The following LZTS1 variants were observed in gnomAD, a reference collection of about 807,000 sequenced individuals.
LZTS1 encodes leucine zipper tumor suppressor 1, also known as leucine zipper putative tumor suppressor 1.
A neutral mutation model predicts 45.8 loss-of-function variants in LZTS1; 31 were observed. The observed-to-expected ratio is 0.68, with a 90% CI of 0.51 to 0.91. The LOEUF is 0.91. LZTS1 is among the 40% of genes least tolerant of loss of function. The pLI is 0.00. For synonymous variants in LZTS1, 359 were observed against 357.3 expected (o/e 1.00, Z -0.05); for missense variants, 821 against 788.9 (o/e 1.04, Z -0.49).
chr8:20,259,203 A>G (rs961059386), intron 1 of LZTS1, among the ~76,000 whole-genome samples: 1 of 152,144 alleles, frequency 6.6e-6, no homozygotes, highest in Non-Finnish European at 1.5e-5. Flanking sequence ...TTGAAAATCA[A>G]TCTCTCTGAG....
chr8:20,266,964 C>T (rs558209687), intron 1 of LZTS1, among the ~76,000 whole-genome samples: 6 of 152,012 alleles, frequency 3.9e-5, no homozygotes, highest in African/African-American at 1.4e-4. Context: ...AAAAATTAGC[C>T]AGGCATGGTG....
chr8:20,267,706 C>T (rs1030621353), intron 1 of LZTS1, among the ~76,000 whole-genome samples: 1 of 152,024 alleles, frequency 6.6e-6, no homozygotes, highest in Non-Finnish European at 1.5e-5. Flanking sequence ...TCAGTAGAGA[C>T]GGGTTTCACC....
At position 20,249,618 on chromosome 8, in the gene LZTS1, A is replaced by C; in HGVS notation, c.*104T>G. The C allele has an allele frequency of 1.4e-6, 2 of 1,387,744 alleles. No individual in the cohort carries two copies. Among genetic ancestry groups the C allele is most frequent in the Non-Finnish European group, 9.7e-7 (1 of 1,031,820 alleles). 86.0% of individuals were successfully genotyped at this position (1,387,744 alleles called of 1,614,324 possible). A position where few individuals can be genotyped will look rare whatever the true frequency, so the allele number is the denominator to read the frequency against. ...GGGGTCCTGGGTCTGTGTCCCAGGG[A>C]GTGGCGTCTCTCAGAGGGGTCTGAA... On this transcript the variant is annotated 3_prime_UTR_variant, in exon 4 of 4. Transcript: ENST00000381569.
In LZTS1 at chr8:20,270,152, C is replaced by T. The variant is rs528859947; in HGVS notation, c.-134-14837G>A. Among the ~76,000 whole-genome samples the T allele has an allele frequency of 3.9e-5, 6 of 152,352 alleles. No individual in the cohort carries two copies. In the East Asian group the frequency reaches 7.7e-4, roughly 20 times the overall value. On this transcript the variant is annotated intron_variant, in intron 1 of 3. Transcript: ENST00000381569. Reference sequence around the variant, plus strand: ...TGTTAAGGCCAGCGATGCTTCAGTGCGCCGCGAGGCCCACAGAGCGTAGGT... The same window carrying T: ...TGTTAAGGCCAGCGATGCTTCAGTGTGCCGCGAGGCCCACAGAGCGTAGGT...
rs898067538 is a variant in LZTS1 at position 20,269,566 on chromosome 8, T to C, written c.-134-14251A>G. ...TTGGACAGAGACTGAAACATAGGTT[T>C]TACCCATTGATCAAGTCGGTATTCT... On this transcript the variant is annotated intron_variant, in intron 1 of 3. Transcript: ENST00000381569. Among the ~76,000 whole-genome samples the C allele has an allele frequency of 2.6e-5, 4 of 152,182 alleles. No individual in the cohort carries two copies. In the South Asian group the frequency reaches 6.2e-4, roughly 24 times the overall value.
At position 20,249,821 on chromosome 8, in the gene LZTS1, C is replaced by G. The variant is rs369194703; in HGVS notation, c.1692G>C (p.Leu564=). Residue 564 remains leucine, a synonymous_variant, in exon 4 of 4, where the codon CTG becomes CTC. Transcript: ENST00000381569. ...YQRNQRLEKA[L]QQLARGDSAG... ...CGCTGTCCCCACGTGCCAGCTGCTG[C>G]AGGGCCTTCTCCAGGCGCTGGTTCC... 3.7e-6 allele frequency: 6 copies of G among 1,614,068 alleles called. No homozygotes were observed. Among genetic ancestry groups the G allele is most frequent in the Non-Finnish European group, 5.1e-6 (6 of 1,180,032 alleles).
intron 1 of LZTS1, among the ~76,000 whole-genome samples, chr8:20,284,505 G>A (rs369699632): frequency 6.6e-6 from 1 of 152,204 alleles, no homozygotes; most frequent in Admixed American, 6.5e-5. Flanking sequence ...GATTAGTTAA[G>A]AGAAGGTAAA....
chr8:20,267,313 G>A (rs1445932005), intron 1 of LZTS1, among the ~76,000 whole-genome samples: 2 of 151,846 alleles, frequency 1.3e-5, no homozygotes, highest in Non-Finnish European at 2.9e-5. Flanking sequence ...GTTGGGGGCT[G>A]GATAGCAGAG....
intron 1 of LZTS1, among the ~76,000 whole-genome samples, chr8:20,300,977 C>T (rs1473412867): frequency 6.6e-6 from 1 of 151,976 alleles, no homozygotes; most frequent in Non-Finnish European, 1.5e-5. Context: ...AAAGATTAGC[C>T]AGGCGTGGTG....
At chr8:20,281,483 G>A (rs1192763439) in intron 1 of LZTS1, among the ~76,000 whole-genome samples, 1 of 152,100 alleles carries the variant, frequency 6.6e-6, no homozygotes, top group African/African-American at 2.4e-5. Context: ...CGAGGCAGGA[G>A]AATCGCTTGC....
chr8:20,292,378 C>G (rs1423086925), intron 1 of LZTS1, among the ~76,000 whole-genome samples: 2 of 152,218 alleles, frequency 1.3e-5, no homozygotes, highest in African/African-American at 2.4e-5. Context: ...TGGCACCCAG[C>G]AACCCTTCCA....
intron 1 of LZTS1, among the ~76,000 whole-genome samples, chr8:20,302,462 G>C (rs1414733894): frequency 6.6e-6 from 1 of 152,148 alleles, no homozygotes; most frequent in Admixed American, 6.5e-5. Context: ...TGAACTTAGA[G>C]AAAGCTCAGG....
In LZTS1 at chr8:20,247,351, G is replaced by A. The variant is rs1416462261; in HGVS notation, c.*2371C>T. 1 of 152,640 alleles carries A rather than the reference G, an allele frequency of 6.6e-6. No individual in the cohort carries two copies. Among genetic ancestry groups the A allele is most frequent in the Non-Finnish European group, 1.5e-5 (1 of 68,198 alleles). The allele number at this position is 152,640 out of a possible 1,614,324, so 9.5% of individuals were successfully genotyped here. A position where few individuals can be genotyped will look rare whatever the true frequency, so the allele number is the denominator to read the frequency against. On this transcript the variant is annotated 3_prime_UTR_variant, in exon 4 of 4. Transcript: ENST00000381569. ...CTGACTGCTCTTTCCTGGAGTTGGGGGGGGGTCTCCAGCCTGGGGAGGGGG... is the reference window on the plus strand; with the variant it reads ...CTGACTGCTCTTTCCTGGAGTTGGGAGGGGGTCTCCAGCCTGGGGAGGGGG...
intron 3 of LZTS1, among the ~76,000 whole-genome samples, chr8:20,250,842 G>C (rs893244808): frequency 1.3e-5 from 2 of 151,800 alleles, no homozygotes; most frequent in Non-Finnish European, 2.9e-5. Context: ...CAAGTGCTCT[G>C]CCTGCCTCTG....
intron 1 of LZTS1, among the ~76,000 whole-genome samples, chr8:20,294,912 C>G (rs183716030): frequency 6.6e-6 from 1 of 152,002 alleles, no homozygotes; most frequent in African/African-American, 2.4e-5. Flanking sequence ...CCATATCCCT[C>G]AAGAGTCTCC....
At chr8:20,300,205 C>T (rs143713979) in intron 1 of LZTS1, among the ~76,000 whole-genome samples, 18 of 152,326 alleles carry the variant, frequency 1.2e-4, no homozygotes, top group Admixed American at 2.6e-4. Context: ...GGCACCCATG[C>T]AGAAATCCAC....
At chr8:20,289,682 G>A (rs972994057) in intron 1 of LZTS1, 1 of 152,186 alleles carries the variant, frequency 6.6e-6, no homozygotes, top group East Asian at 1.9e-4. Context: ...GGCTTATTAA[G>A]CAGGGACCCT....
At chr8:20,256,747 C>G (rs1161528692) in intron 1 of LZTS1, among the ~76,000 whole-genome samples, 1 of 152,160 alleles carries the variant, frequency 6.6e-6, no homozygotes, top group Admixed American at 6.5e-5. Context: ...TGAAGACATT[C>G]AGTTTGCAAA....
intron 3 of LZTS1, among the ~76,000 whole-genome samples, chr8:20,252,386 G>A (rs771356621): frequency 3.3e-5 from 5 of 152,186 alleles, no homozygotes; most frequent in Non-Finnish European, 5.9e-5. Flanking sequence ...AGCAACAAAT[G>A]CATTCTGTGC....
Sources: allele counts gnomAD v4.1 joint callset (sites outside exome capture counted in the v4.1 genomes callset), GRCh38; gene constraint gnomAD v4.1.1; transcripts MANE v1.5; gene names NCBI Gene and HGNC (gene_info 2026-07-23, HGNC 2026-07-21).